The following NRXN1 variants were observed in gnomAD, a reference collection of about 807,000 sequenced individuals.
NRXN1 encodes neurexin-1.
A neutral mutation model predicts 150.9 loss-of-function variants in NRXN1; 39 were observed. That is an observed-to-expected ratio of 0.26 (90% CI 0.20 to 0.34). The LOEUF (loss-of-function observed/expected upper bound fraction) is 0.34. Ranked by LOEUF, NRXN1 falls within the 10% of genes least tolerant of loss-of-function variation. NRXN1 has a pLI of 1.00. For missense variants in NRXN1, 1,815 were observed against 1,949.9 expected (o/e 0.93, Z 1.30); for synonymous variants, 924 against 757.0 (o/e 1.22, Z -3.62).
At chr2:50,588,205 A>C (rs559664078) in intron 8 of NRXN1, among the ~76,000 whole-genome samples, 13 of 152,342 alleles carry the variant, frequency 8.5e-5, no homozygotes, top group African/African-American at 3.1e-4. Context: ...ATGTTTTTAA[A>C]AAACCAAAAG....
At chr2:50,602,674 G>C (rs1676470737) in intron 8 of NRXN1, among the ~76,000 whole-genome samples, 1 of 151,748 alleles carries the variant, frequency 6.6e-6, no homozygotes, top group South Asian at 2.1e-4. Context: ...TGATGGCTCA[G>C]ATACACTTTC....
intron 5 of NRXN1, among the ~76,000 whole-genome samples, chr2:50,904,766 T>A (rs746078830): frequency 3.3e-5 from 5 of 152,166 alleles, no homozygotes; most frequent in Non-Finnish European, 7.3e-5. Flanking sequence ...CTTTTCATTA[T>A]AATCTCTATC....
intron 17 of NRXN1, among the ~76,000 whole-genome samples, chr2:50,406,925 A>C (rs1364074199): frequency 6.6e-6 from 1 of 152,112 alleles, no homozygotes; most frequent in Non-Finnish European, 1.5e-5. Context: ...GCATTGATTG[A>C]TCATCCTGGG....
intron 21 of NRXN1, among the ~76,000 whole-genome samples, chr2:49,977,164 A>T (rs944641826): frequency 3.9e-5 from 6 of 152,222 alleles, no homozygotes; most frequent in African/African-American, 1.4e-4. Context: ...AACCTAAAAA[A>T]AAAATGAATT....
intron 5 of NRXN1, among the ~76,000 whole-genome samples, chr2:50,650,141 T>C (rs1192774721): frequency 6.6e-6 from 1 of 152,052 alleles, no homozygotes. Context: ...GATAATAATG[T>C]ACTGAGGGCA....
chr2:50,531,074 C>T (rs1000754197), intron 11 of NRXN1, among the ~76,000 whole-genome samples, 153 bp downstream of exon 11: 2 of 152,090 alleles, frequency 1.3e-5, no homozygotes, highest in African/African-American at 4.8e-5. Context: ...TAAAAAGATG[C>T]CCCCGAAAAC....
chr2:50,827,002 A>T lies in NRXN1; in HGVS notation c.832+94867T>A, dbSNP rs76259756. On this transcript the variant is annotated intron_variant, in intron 5 of 22. Transcript: ENST00000401669. Reference sequence around the variant, plus strand: ...AGAAAGGCCAAGAAGAGCAGTAGGTATGGAGGAGAACATAGCATCATGATG... The same window carrying T: ...AGAAAGGCCAAGAAGAGCAGTAGGTTTGGAGGAGAACATAGCATCATGATG... 6.8e-3 allele frequency among the ~76,000 whole-genome samples: 1,038 copies of T among 152,292 alleles called. 5 individuals are homozygous for T. The highest frequency in any genetic ancestry group is 0.024 in the African/African-American group (984 of 41,560).
At chr2:50,867,545 T>C (rs1466324614) in intron 5 of NRXN1, among the ~76,000 whole-genome samples, 1 of 151,846 alleles carries the variant, frequency 6.6e-6, no homozygotes, top group Non-Finnish European at 1.5e-5. Flanking sequence ...CCAAGTTCAA[T>C]CGACCAGAAT....
At chr2:50,141,279 C>T (rs182067104) in intron 18 of NRXN1, among the ~76,000 whole-genome samples, 2 of 151,940 alleles carry the variant, frequency 1.3e-5, no homozygotes, top group Non-Finnish European at 2.9e-5. Context: ...ACATTAGATC[C>T]CTATCTCTCA....
chr2:50,223,322 T>C (rs7598842), intron 18 of NRXN1, among the ~76,000 whole-genome samples: 10,771 of 152,024 alleles, frequency 0.071, 447 homozygotes, highest in Middle Eastern at 0.12. Flanking sequence ...TACATAGCAC[T>C]CTCAAATTCC....
chr2:49,958,291 T>A (rs1675334686), intron 21 of NRXN1, among the ~76,000 whole-genome samples: 2 of 152,178 alleles, frequency 1.3e-5, no homozygotes, highest in South Asian at 4.1e-4. Flanking sequence ...CTTTTTTTGG[T>A]CCACTATTCA....
At chr2:50,110,356 G>C (rs891601264) in intron 18 of NRXN1, among the ~76,000 whole-genome samples, 2 of 151,948 alleles carry the variant, frequency 1.3e-5, no homozygotes, top group Admixed American at 6.6e-5. Context: ...GCCGGGTGTC[G>C]TGGCAGGTGC....
rs1425648370 is a variant in NRXN1 at position 50,295,497 on chromosome 2, A to ACTACT, written c.3365-58532_3365-58528dup. On this transcript the variant is annotated intron_variant, in intron 17 of 22. Transcript: ENST00000401669. Reference sequence around the variant, plus strand: ...CCATCTTTAGCAAAAAAAATCATTTACTACTGTAATCTCTGAATAGAAGGA... The same window carrying ACTACT: ...CCATCTTTAGCAAAAAAAATCATTTACTACTCTACTGTAATCTCTGAATAGAAGGA... 5.3e-5 allele frequency among the ~76,000 whole-genome samples: 8 copies of ACTACT among 152,316 alleles called. No homozygotes were observed. The East Asian group carries it at 1.5e-3, about 29-fold the overall frequency.
chr2:50,033,009 T>A (rs1326972579), intron 21 of NRXN1, among the ~76,000 whole-genome samples: 1 of 151,598 alleles, frequency 6.6e-6, no homozygotes, highest in Non-Finnish European at 1.5e-5. Context: ...TATATTTTGT[T>A]ATATATACAT....
chr2:50,605,913 A>C (rs1203069071), intron 8 of NRXN1, among the ~76,000 whole-genome samples: 1 of 152,148 alleles, frequency 6.6e-6, no homozygotes, highest in East Asian at 1.9e-4. Context: ...TTGATGGATG[A>C]CTGGATTTTT....
At chr2:50,375,247 C>G (rs983868671) in intron 17 of NRXN1, among the ~76,000 whole-genome samples, 2 of 151,854 alleles carry the variant, frequency 1.3e-5, no homozygotes, top group African/African-American at 4.8e-5. Context: ...TCATACCAGG[C>G]TTAGCTTACT....
intron 17 of NRXN1, among the ~76,000 whole-genome samples, chr2:50,405,603 T>C (rs565150856): frequency 3.3e-5 from 5 of 152,198 alleles, no homozygotes; most frequent in Admixed American, 6.5e-5. Context: ...ACAGAGAAAA[T>C]TGTACATTTC....
chr2:50,006,851 T>A (rs1226610196), intron 21 of NRXN1, among the ~76,000 whole-genome samples: 1 of 152,126 alleles, frequency 6.6e-6, no homozygotes, highest in Non-Finnish European at 1.5e-5. Flanking sequence ...GGTTGGGCCT[T>A]AAACAGTGCA....
At chr2:50,220,658 C>T (rs2063813192) in intron 18 of NRXN1, among the ~76,000 whole-genome samples, 1 of 151,882 alleles carries the variant, frequency 6.6e-6, no homozygotes, top group Non-Finnish European at 1.5e-5. Context: ...TTCAAATATC[C>T]CATTATCAGT....
Sources: allele counts gnomAD v4.1 joint callset (sites outside exome capture counted in the v4.1 genomes callset), GRCh38; gene constraint gnomAD v4.1.1; transcripts MANE v1.5; gene names NCBI Gene and HGNC (gene_info 2026-07-23, HGNC 2026-07-21).